ASTN2: variants seen among roughly 807,000 people sequenced by gnomAD.
The protein encoded by ASTN2 is astrotactin-2.
In ASTN2, 54 loss-of-function variants were observed where a neutral mutation model predicts 139.8. The observed-to-expected ratio is 0.39, with a 90% CI of 0.31 to 0.48. The LOEUF is 0.48. ASTN2 is among the 20% of genes least tolerant of loss of function. ASTN2 has a pLI of 0.95. For synonymous variants in ASTN2, 756 were observed against 719.5 expected, an observed-to-expected ratio of 1.05 and a Z score of -0.81; for missense variants, 1,565 against 1,725.1, an observed-to-expected ratio of 0.91 and a Z score of 1.64.
intron 10 of ASTN2, among the ~76,000 whole-genome samples, chr9:116,955,745 A>G (rs1835687717): frequency 6.6e-6 from 1 of 152,224 alleles, no homozygotes; most frequent in Non-Finnish European, 1.5e-5. Flanking sequence ...TTTCTCTTCT[A>G]TAAAATGGGG....
chr9:116,970,533 A>AT (rs1310457840), intron 10 of ASTN2, among the ~76,000 whole-genome samples: 3 of 152,114 alleles, frequency 2.0e-5, no homozygotes, highest in Admixed American at 6.6e-5. Flanking sequence ...AAAGTATGAC[A>AT]TTTTTTGTTT....
chr9:116,759,333 T>C (rs567607276), intron 13 of ASTN2, among the ~76,000 whole-genome samples: 3 of 152,316 alleles, frequency 2.0e-5, no homozygotes, highest in Non-Finnish European at 4.4e-5. Flanking sequence ...AAATAATTTA[T>C]TGAGGGGCAC....
At chr9:116,519,430 G>C (rs1587927652) in intron 19 of ASTN2, among the ~76,000 whole-genome samples, 1 of 151,944 alleles carries the variant, frequency 6.6e-6, no homozygotes, top group Non-Finnish European at 1.5e-5. Flanking sequence ...ATGAAATCAA[G>C]ATGGAAATAA....
chr9:116,910,970 G>A (rs1002372503), intron 10 of ASTN2, among the ~76,000 whole-genome samples: 7 of 152,240 alleles, frequency 4.6e-5, no homozygotes, highest in African/African-American at 1.7e-4. Flanking sequence ...AGCAGCATCT[G>A]CCTTATCACC....
chr9:117,060,344 G>GAGAAAGAA lies in ASTN2; in HGVS notation c.1277-20387_1277-20380dup, dbSNP rs575931514. ...AAAGAAAGAAAGAAAGAAAGAAAGA[G>GAGAAAGAA]AGAAAGAAAGAAAGAAAGAAAGAAA... On this transcript the variant is annotated intron_variant, in intron 5 of 22. Transcript: ENST00000313400. Among the ~76,000 whole-genome samples, 450 of 58,912 alleles carry GAGAAAGAA rather than the reference G, an allele frequency of 7.6e-3. 3 individuals carry two copies. The highest frequency in any genetic ancestry group is 0.016 in the Middle Eastern group (2 of 124). The allele number at this position is 58,912 out of a possible 152,430, so 38.6% of individuals were successfully genotyped here. A position where few individuals can be genotyped will look rare whatever the true frequency, so the allele number is the denominator to read the frequency against.
chr9:117,411,652 C>T (rs959589558), intron 1 of ASTN2, among the ~76,000 whole-genome samples: 3 of 152,118 alleles, frequency 2.0e-5, no homozygotes, highest in Admixed American at 6.5e-5. Flanking sequence ...GTTTGTCCCC[C>T]TTTAATACCA....
chr9:116,758,838 G>T (rs1025620453), intron 13 of ASTN2, among the ~76,000 whole-genome samples: 2 of 152,114 alleles, frequency 1.3e-5, no homozygotes, highest in African/African-American at 4.8e-5. Flanking sequence ...CTAGTATAGT[G>T]CTTGGCTTAG....
At chr9:117,255,136 A>G (rs546080320) in intron 2 of ASTN2, among the ~76,000 whole-genome samples, 32 of 152,370 alleles carry the variant, frequency 2.1e-4, no homozygotes, top group African/African-American at 7.7e-4. Flanking sequence ...TCCAGAAATC[A>G]GTGAGGACTA....
At chr9:117,190,605 TCA>T (rs1831319587) in intron 3 of ASTN2, among the ~76,000 whole-genome samples, 1 of 152,152 alleles carries the variant, frequency 6.6e-6, no homozygotes, top group Non-Finnish European at 1.5e-5. Flanking sequence ...GCTCTCTCTC[TCA>T]ATGCTACTCC....
At chr9:117,407,046 T>G (rs1831015014) in intron 1 of ASTN2, among the ~76,000 whole-genome samples, 1 of 152,120 alleles carries the variant, frequency 6.6e-6, no homozygotes, top group African/African-American at 2.4e-5. Context: ...TCTTTATTGA[T>G]AGTGGGCACC....
At chr9:117,102,747 C>G (rs2132767267) in intron 4 of ASTN2, among the ~76,000 whole-genome samples, 1 of 152,220 alleles carries the variant, frequency 6.6e-6, no homozygotes, top group African/African-American at 2.4e-5. Context: ...GTCTTGAACT[C>G]CTGACCTTAG....
intron 5 of ASTN2, among the ~76,000 whole-genome samples, chr9:117,049,781 AG>A (rs1247596815): frequency 7.2e-5 from 11 of 152,326 alleles, no homozygotes; most frequent in African/African-American, 2.4e-4. Context: ...AGAATGAAAA[AG>A]GTAGGCACAA....
chr9:116,490,376 T>C (rs549175325), intron 19 of ASTN2, among the ~76,000 whole-genome samples: 14 of 142,222 alleles, frequency 9.8e-5, no homozygotes, highest in Non-Finnish European at 1.8e-4. Context: ...GGAGTGAGGG[T>C]CTTATTTCAC....
chr9:117,129,985 T>C (rs1233801292), intron 4 of ASTN2, among the ~76,000 whole-genome samples: 3 of 152,266 alleles, frequency 2.0e-5, no homozygotes, highest in East Asian at 1.9e-4. Flanking sequence ...CTCTGGGAAA[T>C]AGTATATAAC....
intron 12 of ASTN2, 90 bp downstream of exon 12, chr9:116,820,527 A>T (rs1340738473): frequency 6.9e-7 from 1 of 1,451,136 alleles, no homozygotes; most frequent in Non-Finnish European, 9.3e-7. Flanking sequence ...GTCAAGGTTC[A>T]GCCTTGCTGA....
chr9:117,010,056 T>C (rs1837472941), intron 6 of ASTN2, among the ~76,000 whole-genome samples: 1 of 152,166 alleles, frequency 6.6e-6, no homozygotes, highest in Non-Finnish European at 1.5e-5. Flanking sequence ...GACAACATAA[T>C]TTTGGTGCAA....
At chr9:117,213,007 C>T (rs983351912) in intron 3 of ASTN2, among the ~76,000 whole-genome samples, 2 of 152,024 alleles carry the variant, frequency 1.3e-5, no homozygotes, top group Non-Finnish European at 2.9e-5. Flanking sequence ...GGATTATCCA[C>T]AATAGTCAAG....
intron 1 of ASTN2, among the ~76,000 whole-genome samples, chr9:117,396,797 C>G (rs1830688402): frequency 6.6e-6 from 1 of 151,980 alleles, no homozygotes; most frequent in African/African-American, 2.4e-5. Flanking sequence ...AGCTCCTGAC[C>G]TCAAGTGATC....
intron 6 of ASTN2, among the ~76,000 whole-genome samples, chr9:117,016,617 TATC>T (rs1564385778): frequency 0.032 from 124 of 3,932 alleles, 9 homozygotes; most frequent in African/African-American, 0.067. Flanking sequence ...TATCTATATC[TATC>T]TATCTATATA....
Sources: gnomAD v4.1 joint callset for allele counts (sites outside exome capture counted in the v4.1 genomes callset) on GRCh38, gnomAD v4.1.1 for gene constraint, MANE v1.5 for transcripts, NCBI Gene and HGNC (gene_info 2026-07-23, HGNC 2026-07-21) for gene names.